Variants in MGRN1 observed in about 807,000 individuals in gnomAD.
MGRN1 encodes E3 ubiquitin-protein ligase MGRN1.
A neutral mutation model predicts 69.2 loss-of-function variants in MGRN1; 29 were observed. The ratio of observed to expected loss-of-function variants is 0.42; its 90% CI spans 0.31 to 0.57. MGRN1 has a LOEUF of 0.57. Ranked by LOEUF, MGRN1 falls within the 20% of genes least tolerant of loss-of-function variation. The pLI is 0.15. For missense variants in MGRN1, 998 were observed against 796.2 expected, an observed-to-expected ratio of 1.25 and a Z score of -3.05; for synonymous variants, 470 against 344.2, an observed-to-expected ratio of 1.37 and a Z score of -4.04.
Position 4,677,492 on chromosome 16 carries a change from G to A in MGRN1, c.985G>A (p.Val329Met). The change falls in exon 11 of 17, where the codon GTG becomes ATG. Residue 329 changes from valine (V) to methionine (M), a missense_variant. Coordinates refer to ENST00000262370, the MANE Select transcript of MGRN1 (RefSeq NM_015246.4). ...PFRALLQIRAVRKKPGALSPV... is the reference protein window; with the variant it reads ...PFRALLQIRAMRKKPGALSPV... ...CCGGGCCCTCCTGCAGATCCGGGCG[G>A]TGCGGAAGAAGCCAGGAGCCCTGTC... 6.3e-7 allele frequency: 1 copy of A among 1,589,826 alleles called. No homozygotes were observed. Among genetic ancestry groups the A allele is most frequent in the Non-Finnish European group, 8.5e-7 (1 of 1,173,864 alleles).
chr16:4,674,456 T>C (rs1171803289), intron 10 of MGRN1, among the ~76,000 whole-genome samples: 1 of 150,530 alleles, frequency 6.6e-6, no homozygotes, highest in Non-Finnish European at 1.5e-5. Context: ...GCCTGGCTAA[T>C]TTTTGTGTTT....
In MGRN1 at chr16:4,671,387, C is replaced by T. The variant is rs781153336; in HGVS notation, c.727-4C>T. On this transcript the variant is annotated splice_region_variant and splice_polypyrimidine_tract_variant and intron_variant, in intron 8 of 16. Transcript: ENST00000262370. ...GGCCCAGTGAGCCCCTCTCTGCTCT[C>T]CAGGTGGACCGGGTCAGCTACCTCC... 6.2e-7 allele frequency: 1 copy of T among 1,613,948 alleles called. No individual in the cohort carries two copies.
At chr16:4,668,361 A>T in intron 8 of MGRN1, 49 bp downstream of exon 8, 1 of 1,594,046 alleles carries the variant, frequency 6.3e-7, no homozygotes, top group Non-Finnish European at 8.6e-7. Flanking sequence ...AGACACACAT[A>T]TACAATCACT....
At chr16:4,659,856 G>T (rs1458741334) in intron 5 of MGRN1, among the ~76,000 whole-genome samples, 2 of 152,238 alleles carry the variant, frequency 1.3e-5, no homozygotes, top group Non-Finnish European at 2.9e-5. Context: ...GTGTCATCAG[G>T]GTGGGGATCT....
In MGRN1 at chr16:4,660,636, T is replaced by G. The variant is rs532521395; in HGVS notation, c.561+3273T>G. On this transcript the variant is annotated intron_variant, in intron 5 of 16. Coordinates refer to ENST00000262370, the MANE Select transcript of MGRN1 (RefSeq NM_015246.4). Reference sequence around the variant, plus strand: ...GGGGTGGATGCGCTCCAGAAAGCTCTGCCTCCCCCGTTTGGCTCCATCACC... The same window carrying G: ...GGGGTGGATGCGCTCCAGAAAGCTCGGCCTCCCCCGTTTGGCTCCATCACC... Among the ~76,000 whole-genome samples the G allele has an allele frequency of 9.5e-3, 1,440 of 152,344 alleles. 20 individuals are homozygous for G. Among genetic ancestry groups the G allele is most frequent in the Middle Eastern group, 0.027 (8 of 294 alleles).
At chr16:4,628,613 C>T (rs1016980251) in intron 1 of MGRN1, among the ~76,000 whole-genome samples, 4 of 152,126 alleles carry the variant, frequency 2.6e-5, no homozygotes, top group East Asian at 1.9e-4. Context: ...GGCATGATCT[C>T]GGCTCAGTGC....
In MGRN1 at chr16:4,671,447, C is replaced by T. The variant is rs547131374; in HGVS notation, c.783C>T (p.Asn261=). The T allele has an allele frequency of 1.9e-6, 3 of 1,613,928 alleles. No individual in the cohort carries two copies. The highest frequency in any genetic ancestry group is 1.3e-5 in the African/African-American group (1 of 74,906). The stretch of plus-strand genomic sequence containing the variant: ...TCTATGGCATTGAGAACAAGAACAA[C>T]CAGGAGACCAAGGTGTGTATCTGGG... ...QEIYGIENKN[N]QETKPSDDEN... The change falls in exon 9 of 17, where the codon AAC becomes AAT. Residue 261 remains asparagine (N), a synonymous_variant. Transcript: ENST00000262370.
intron 11 of MGRN1, 33 bp from the exon 12 acceptor site, chr16:4,679,999 T>C: frequency 1.2e-6 from 2 of 1,605,818 alleles, no homozygotes; most frequent in Middle Eastern, 1.7e-4. Context: ...GTGGGGGTGG[T>C]AGTTGTAAAA....
chr16:4,651,974 C>T lies in MGRN1; in HGVS notation c.219C>T (p.Val73=), dbSNP rs1480249666. ...LGSRPVQFPY[V]TPAPHEPVKT... ...GGTTTTTCTCCTAGTTTCCCTACGT[C>T]ACTCCTGCCCCCCACGAGCCCGTGA... The change falls in exon 3 of 17, where the codon GTC becomes GTT. Residue 73 remains valine, a synonymous_variant. Transcript: ENST00000262370. The T allele has an allele frequency of 3.1e-6, 5 of 1,614,020 alleles. No homozygotes were observed. The highest frequency in any genetic ancestry group is 1.1e-5 in the South Asian group (1 of 91,078).
At chr16:4,684,792 A>G (rs879801790) in intron 16 of MGRN1, among the ~76,000 whole-genome samples, 6 of 152,218 alleles carry the variant, frequency 3.9e-5, no homozygotes, top group Non-Finnish European at 7.3e-5. Context: ...ACTGCGATAA[A>G]CAGCCACGGT....
At chr16:4,647,025 G>A (rs1567185641) in intron 1 of MGRN1, among the ~76,000 whole-genome samples, 1 of 152,242 alleles carries the variant, frequency 6.6e-6, no homozygotes, top group African/African-American at 2.4e-5. Flanking sequence ...GCCTGGAAGG[G>A]TGGGGGCTGA....
intron 16 of MGRN1, 107 bp from the exon 17 acceptor site, chr16:4,688,689 G>A (rs35244293): frequency 3.4e-6 from 5 of 1,452,838 alleles, no homozygotes; most frequent in Non-Finnish European, 4.6e-6. Flanking sequence ...CGGCGGGAGT[G>A]GGGGTGCTGG....
At chr16:4,658,696 C>T (rs1042880864) in intron 5 of MGRN1, among the ~76,000 whole-genome samples, 3 of 151,526 alleles carry the variant, frequency 2.0e-5, no homozygotes, top group African/African-American at 7.3e-5. Context: ...AAAAAGCCTC[C>T]CTTGTCCTTG....
chr16:4,675,988 C>G (rs1168509505), intron 10 of MGRN1, among the ~76,000 whole-genome samples: 2 of 152,230 alleles, frequency 1.3e-5, no homozygotes, highest in African/African-American at 4.8e-5. Flanking sequence ...GGCCTGGGTC[C>G]TGGCGGTGGG....
At chr16:4,666,361 G>C (rs111732893) in intron 7 of MGRN1, among the ~76,000 whole-genome samples, 1 of 152,012 alleles carries the variant, frequency 6.6e-6, no homozygotes, top group African/African-American at 2.4e-5. Context: ...CAAACTCCTG[G>C]CCTCAAGTGA....
In MGRN1 at chr16:4,680,020, T is replaced by G; in HGVS notation, c.1066-12T>G. The G allele has an allele frequency of 6.2e-7, 1 of 1,613,418 alleles. No homozygotes were observed. ...GTGGTAGTTGTAAAACATATGATTT[T>G]TATCTTGACAGTGTCCCTTTAAAAA... is the stretch of plus-strand genomic sequence containing the variant. On this transcript the variant is annotated splice_polypyrimidine_tract_variant and intron_variant, in intron 11 of 16. Transcript: ENST00000262370.
At chr16:4,650,590 A>AAGGG in intron 2 of MGRN1, 107 bp downstream of exon 2, 1 of 821,230 alleles carries the variant, frequency 1.2e-6, no homozygotes, top group Non-Finnish European at 1.9e-6. Flanking sequence ...ATCACCCCTA[A>AAGGG]AGGGGGCAGA....
chr16:4,635,665 C>G (rs958196882), intron 1 of MGRN1, among the ~76,000 whole-genome samples: 1 of 151,050 alleles, frequency 6.6e-6, no homozygotes, highest in African/African-American at 2.4e-5. Context: ...GACAGAGTCT[C>G]GCACTGTCAT....
chr16:4,655,558 G>A (rs192615493), intron 4 of MGRN1, among the ~76,000 whole-genome samples: 31 of 151,916 alleles, frequency 2.0e-4, no homozygotes, highest in African/African-American at 7.2e-4. Context: ...AGCAGGAACA[G>A]CTCCAGTGCC....
Sources: allele counts gnomAD v4.1 joint callset (sites outside exome capture counted in the v4.1 genomes callset), GRCh38; gene constraint gnomAD v4.1.1; transcripts MANE v1.5; gene names NCBI Gene and HGNC (gene_info 2026-07-23, HGNC 2026-07-21).